KCNG2: variants seen among roughly 807,000 people sequenced by gnomAD.
KCNG2 encodes the protein voltage-gated potassium channel regulatory subunit KCNG2.
In KCNG2, 7 loss-of-function variants were observed where a neutral mutation model predicts 12.3. That is an observed-to-expected ratio of 0.57 (90% CI 0.32 to 1.07). The LOEUF is 1.07. Ranked by LOEUF, KCNG2 falls within the 50% of genes least tolerant of loss-of-function variation. KCNG2 has a pLI of 0.04. For missense variants in KCNG2, 703 were observed against 726.0 expected, an observed-to-expected ratio of 0.97 and a Z score of 0.36; for synonymous variants, 414 against 351.4, an observed-to-expected ratio of 1.18 and a Z score of -1.99.
chr18:79,848,217 A>G (rs1166486643), intron 1 of KCNG2, among the ~76,000 whole-genome samples: 2 of 152,218 alleles, frequency 1.3e-5, no homozygotes, highest in Admixed American at 6.5e-5. Flanking sequence ...TATGCTTCTA[A>G]GTAGGGTTTG....
intron 1 of KCNG2, among the ~76,000 whole-genome samples, chr18:79,804,494 T>C (rs1395979691): frequency 3.9e-5 from 6 of 152,218 alleles, no homozygotes; most frequent in Non-Finnish European, 7.3e-5. Flanking sequence ...GGCCCTCCCA[T>C]GGGTGCTCAG....
rs758259227 is a variant in KCNG2, at chr18:79,829,044, CGT to C, written c.-114-27328_-114-27327del. ...GTCTGTGTGTGGGTGTCTATGTGTG[CGT>C]GTGTGTAACGTGTCTGTGTGTGCAT... On this transcript the variant is annotated intron_variant, in intron 1 of 3. Transcript: ENST00000316249. Among the ~76,000 whole-genome samples the C allele has an allele frequency of 3.5e-3, 279 of 79,748 alleles. 12 individuals carry two copies. Among genetic ancestry groups the C allele is most frequent in the African/African-American group, 0.011 (264 of 24,784 alleles). 52.3% of individuals were successfully genotyped at this position (79,748 alleles called of 152,430 possible).
chr18:79,867,307 A>T (rs1170069016), intron 3 of KCNG2, among the ~76,000 whole-genome samples: 1 of 151,826 alleles, frequency 6.6e-6, no homozygotes, highest in East Asian at 1.9e-4. Flanking sequence ...CCTGGGCAGA[A>T]GTGTGTGTCC....
chr18:79,823,522 A>G (rs1432318191), intron 1 of KCNG2, among the ~76,000 whole-genome samples: 1 of 152,046 alleles, frequency 6.6e-6, no homozygotes, highest in East Asian at 1.9e-4. Flanking sequence ...GTATCTCAGT[A>G]TTGTTTTAAT....
intron 3 of KCNG2, among the ~76,000 whole-genome samples, chr18:79,876,800 G>A (rs1404976095): frequency 6.6e-6 from 1 of 152,248 alleles, no homozygotes; most frequent in Non-Finnish European, 1.5e-5. Context: ...CCTTCTTGCA[G>A]ATGCCTCTCA....
intron 3 of KCNG2, among the ~76,000 whole-genome samples, chr18:79,888,519 C>T (rs530750197): frequency 4.0e-5 from 6 of 150,328 alleles, no homozygotes; most frequent in African/African-American, 9.7e-5. Flanking sequence ...GGGGCCGGGA[C>T]GGCGGCGTCC....
Position 79,886,997 on chromosome 18 carries a change from G to A in KCNG2, c.625-12043G>A, listed in dbSNP as rs1410652873. On this transcript the variant is annotated intron_variant, in intron 3 of 3. Transcript: ENST00000316249. ...GAGATGGGGATGGGAACATAGGGAC[G>A]TGGGGACAGGGACATGGGGACACGG... Among the ~76,000 whole-genome samples, 13 of 60,782 alleles carry A rather than the reference G, an allele frequency of 2.1e-4. 1 individual carries two copies. The highest frequency in any genetic ancestry group is 5.1e-4 in the African/African-American group (10 of 19,786). 39.9% of individuals were successfully genotyped at this position (60,782 alleles called of 152,430 possible). A position where few individuals can be genotyped will look rare whatever the true frequency, so the allele number is the denominator to read the frequency against.
intron 3 of KCNG2, among the ~76,000 whole-genome samples, chr18:79,887,139 C>T (rs375270875): frequency 2.8e-5 from 4 of 141,118 alleles, no homozygotes; most frequent in African/African-American, 8.9e-5. Flanking sequence ...CCTAGGGACA[C>T]GGACAGGGAC....
At chr18:79,852,547 G>A (rs1328533498) in intron 1 of KCNG2, among the ~76,000 whole-genome samples, 25 of 152,258 alleles carry the variant, frequency 1.6e-4, no homozygotes, top group Admixed American at 1.6e-3. Flanking sequence ...GGGCCACTGG[G>A]AGCCCAGTTC....
rs750717616 is a variant in KCNG2 at position 79,863,866 on chromosome 18, G to T, written c.199G>T (p.Asp67Tyr). 16 of 1,471,806 alleles carry T rather than the reference G, an allele frequency of 1.1e-5. No homozygotes were observed. The highest frequency in any genetic ancestry group is 1.4e-5 in the Non-Finnish European group (16 of 1,109,034). The allele number at this position is 1,471,806 out of a possible 1,614,324, so 91.2% of individuals were successfully genotyped here. Residue 67 changes from aspartate to tyrosine, a missense_variant, in exon 3 of 4, where the codon GAC (aspartate) becomes TAC (tyrosine). Coordinates refer to ENST00000316249, the MANE Select transcript of KCNG2 (RefSeq NM_012283.2). Reference sequence around the variant, plus strand: ...GTGTGACGACTACGACGTGAGCCGCGACGAGTTCTTCTTCGACCGCAGCCC... The same window carrying T: ...GTGTGACGACTACGACGTGAGCCGCTACGAGTTCTTCTTCGACCGCAGCCC... ...RVCDDYDVSR[D>Y]EFFFDRSPCA...
chr18:79,876,881 G>A (rs989430581), intron 3 of KCNG2, among the ~76,000 whole-genome samples: 2 of 152,220 alleles, frequency 1.3e-5, no homozygotes, highest in African/African-American at 2.4e-5. Context: ...GCCCTGGGAC[G>A]GCCAGGCTCA....
intron 1 of KCNG2, among the ~76,000 whole-genome samples, chr18:79,837,045 C>T (rs1378477395): frequency 1.3e-5 from 2 of 152,300 alleles, no homozygotes; most frequent in East Asian, 3.9e-4. Context: ...TCCCTCCCAC[C>T]TATGAACCTG....
chr18:79,864,296 G>C lies in KCNG2; in HGVS notation c.624+5G>C. 6.6e-7 allele frequency: 1 copy of C among 1,526,226 alleles called. No homozygotes were observed. Among genetic ancestry groups the C allele is most frequent in the Non-Finnish European group, 8.7e-7 (1 of 1,143,156 alleles). The allele number at this position is 1,526,226 out of a possible 1,614,324, so 94.5% of individuals were successfully genotyped here. On this transcript the variant is annotated splice_donor_5th_base_variant and intron_variant, in intron 3 of 3. Transcript: ENST00000316249. ...ATCCGCGCCGAGGAGGAGCGGGTGA[G>C]CGCGGCCGGGGGTGGCGGGGACCGG...
In KCNG2 at chr18:79,815,335, G is replaced by A. The variant is rs567807620; in HGVS notation, c.-115+17321G>A. On this transcript the variant is annotated intron_variant, in intron 1 of 3. Coordinates refer to ENST00000316249, the MANE Select transcript of KCNG2 (RefSeq NM_012283.2). ...AGACACCTGTAGTCCAGTTACTTGG[G>A]AGGCTGAGGTGGGAGGATCACTTGA... Among the ~76,000 whole-genome samples the A allele has an allele frequency of 4.0e-5, 6 of 151,836 alleles. No individual in the cohort carries two copies. In the South Asian group the frequency reaches 6.2e-4, roughly 16 times the overall value.
At chr18:79,869,408 G>A (rs1030547975) in intron 3 of KCNG2, among the ~76,000 whole-genome samples, 17 of 152,192 alleles carry the variant, frequency 1.1e-4, no homozygotes, top group African/African-American at 3.4e-4. Flanking sequence ...CTGAGAACCC[G>A]GCTTTGTCAG....
At chr18:79,898,315 A>C (rs953591250) in intron 3 of KCNG2, among the ~76,000 whole-genome samples, 2 of 152,196 alleles carry the variant, frequency 1.3e-5, no homozygotes, top group African/African-American at 4.8e-5. Context: ...TGAGAGCTTG[A>C]TAGCACCCTG....
chr18:79,820,094 G>A (rs747038276), intron 1 of KCNG2, among the ~76,000 whole-genome samples: 25 of 152,230 alleles, frequency 1.6e-4, no homozygotes, highest in Admixed American at 4.6e-4. Context: ...CCCTCGTGCA[G>A]GGTACCCCAC....
rs140551312 is a variant in KCNG2, at chr18:79,838,774, A to G, written c.-114-17605A>G. ...AACAGAATGAAAATATATACACAAC[A>G]TATCAAAATTTGTGAGACCAAGCTA... is the stretch of plus-strand genomic sequence containing the variant. On this transcript the variant is annotated intron_variant, in intron 1 of 3. Coordinates refer to ENST00000316249, the MANE Select transcript of KCNG2 (RefSeq NM_012283.2). 6.8e-3 allele frequency among the ~76,000 whole-genome samples: 1,041 copies of G among 152,336 alleles called. 6 individuals carry two copies. The highest frequency in any genetic ancestry group is 0.011 in the Non-Finnish European group (753 of 68,028).
rs924096217 is a variant in KCNG2 at position 79,800,833 on chromosome 18, C to G, written c.-115+2819C>G. Among the ~76,000 whole-genome samples, 3 of 152,214 alleles carry G rather than the reference C, an allele frequency of 2.0e-5. No homozygotes were observed. The highest frequency in any genetic ancestry group is 4.4e-5 in the Non-Finnish European group (3 of 68,036). ...TTGGGGAACCACAGCGAGGGGCACC[C>G]GAAGCAAATGTCAAGTCAAAATGGG... On this transcript the variant is annotated intron_variant, in intron 1 of 3. Transcript: ENST00000316249. The surrounding 1 kb of genome is among the most constrained non-coding windows in gnomAD (Gnocchi z 4.0).
Sources: allele counts gnomAD v4.1 joint callset (sites outside exome capture counted in the v4.1 genomes callset), GRCh38; gene constraint gnomAD v4.1.1; non-coding constraint Gnocchi (gnomAD v3.1); transcripts MANE v1.5; gene names NCBI Gene and HGNC (gene_info 2026-07-23, HGNC 2026-07-21).